WDR59: variants seen among roughly 807,000 people sequenced by gnomAD.
WDR59 encodes WD repeat domain 59.
In WDR59, 100 loss-of-function variants were observed where a neutral mutation model predicts 131.2. That is an observed-to-expected ratio of 0.76 (90% CI 0.65 to 0.90). The LOEUF is 0.90. Ranked by LOEUF, WDR59 falls within the 40% of genes least tolerant of loss-of-function variation. The pLI is 0.00. For synonymous variants in WDR59, 601 were observed against 466.2 expected, an observed-to-expected ratio of 1.29 and a Z score of -3.72; for missense variants, 1,203 against 1,262.2, an observed-to-expected ratio of 0.95 and a Z score of 0.71.
chr16:74,909,005 T>C (rs373255538), intron 16 of WDR59, 28 bp from the exon 17 acceptor site: 104 of 1,600,508 alleles, frequency 6.5e-5, no homozygotes, highest in Non-Finnish European at 8.1e-5. Context: ...ACATGAGCCA[T>C]CAGTGTCAAC....
At chr16:74,965,375 T>A (rs939339805) in intron 2 of WDR59, among the ~76,000 whole-genome samples, 9 of 152,182 alleles carry the variant, frequency 5.9e-5, no homozygotes, top group Admixed American at 1.3e-4. Flanking sequence ...TAAGCCAAAC[T>A]GAATAAATGT....
rs1964075124 is a variant in WDR59 at position 74,873,909 on chromosome 16, G to A, written c.*300C>T. The A allele has an allele frequency of 2.6e-6, 1 of 385,812 alleles. No homozygotes were observed. Among genetic ancestry groups the A allele is most frequent in the South Asian group, 2.8e-5 (1 of 35,392 alleles). The allele number at this position is 385,812 out of a possible 1,614,324, so 23.9% of individuals were successfully genotyped here. ...GGGTAACACTGTAACACTGGCCCTG[G>A]AGCCAGGTGCTTTTCTCCATGAAAA... On this transcript the variant is annotated 3_prime_UTR_variant, in exon 26 of 26. Transcript: ENST00000262144.
At chr16:74,918,426 C>T (rs999273999) in intron 10 of WDR59, among the ~76,000 whole-genome samples, 13 of 152,184 alleles carry the variant, frequency 8.5e-5, no homozygotes, top group Admixed American at 1.3e-4. Flanking sequence ...TGCAAATGTT[C>T]GTCCTTTTAC....
At chr16:74,951,779 G>A (rs981454682) in intron 3 of WDR59, among the ~76,000 whole-genome samples, 1 of 152,170 alleles carries the variant, frequency 6.6e-6, no homozygotes, top group African/African-American at 2.4e-5. Flanking sequence ...ACTATCTTAA[G>A]AGATGCATCT....
chr16:74,978,113 T>A (rs1180914761), intron 1 of WDR59, among the ~76,000 whole-genome samples: 1 of 151,990 alleles, frequency 6.6e-6, no homozygotes, highest in African/African-American at 2.4e-5. Flanking sequence ...CCCAGCACTT[T>A]GGGAGGCCAA....
chr16:74,970,342 C>A (rs913088826), intron 1 of WDR59, among the ~76,000 whole-genome samples: 3 of 151,790 alleles, frequency 2.0e-5, no homozygotes, highest in African/African-American at 7.3e-5. Flanking sequence ...TGTCATTTGT[C>A]ATTTCACTTA....
At chr16:74,955,291 T>C (rs1200841276) in intron 3 of WDR59, among the ~76,000 whole-genome samples, 7 of 152,060 alleles carry the variant, frequency 4.6e-5, no homozygotes, top group Admixed American at 4.6e-4. Flanking sequence ...GTGGGGAGCA[T>C]ACTACTGAGA....
chr16:74,900,594 C>A (rs1294061887), intron 18 of WDR59, among the ~76,000 whole-genome samples: 2 of 152,194 alleles, frequency 1.3e-5, no homozygotes, highest in African/African-American at 4.8e-5. Flanking sequence ...AACATTTCAT[C>A]AGCTATTAAG....
At chr16:74,976,555 C>A (rs1239984072) in intron 1 of WDR59, among the ~76,000 whole-genome samples, 1 of 151,776 alleles carries the variant, frequency 6.6e-6, no homozygotes, top group East Asian at 1.9e-4. Flanking sequence ...GATTCTCCTG[C>A]CTCAGCCTCC....
chr16:74,982,531 G>A (rs1368156913), intron 1 of WDR59, among the ~76,000 whole-genome samples: 1 of 152,148 alleles, frequency 6.6e-6, no homozygotes, highest in Non-Finnish European at 1.5e-5. Context: ...AACAGGCAGG[G>A]GTGAGACTAC....
chr16:74,972,821 T>TTAA (rs1455301675), intron 1 of WDR59, among the ~76,000 whole-genome samples: 1 of 55,044 alleles, frequency 1.8e-5, no homozygotes. Context: ...GACTCTGTCT[T>TTAA]AAAAAAAAAA....
At chr16:74,953,832 T>C (rs971746798) in intron 3 of WDR59, among the ~76,000 whole-genome samples, 12 of 151,396 alleles carry the variant, frequency 7.9e-5, no homozygotes, top group African/African-American at 2.4e-4. Flanking sequence ...AAACCCTGTC[T>C]CTACTAAAAA....
intron 9 of WDR59, among the ~76,000 whole-genome samples, chr16:74,922,655 C>CT (rs1326931781): frequency 6.6e-6 from 1 of 152,180 alleles, no homozygotes; most frequent in Admixed American, 6.5e-5. Context: ...TACTGGGTAG[C>CT]TAAGGGTTCC....
intron 1 of WDR59, among the ~76,000 whole-genome samples, chr16:74,971,567 G>A (rs2033986703): frequency 6.6e-6 from 1 of 151,294 alleles, no homozygotes; most frequent in African/African-American, 2.4e-5. Context: ...TGAGTAGCTG[G>A]GATTACAAGT....
At chr16:74,903,681 G>A (rs112001645) in intron 18 of WDR59, among the ~76,000 whole-genome samples, 113 of 53,716 alleles carry the variant, frequency 2.1e-3, no homozygotes, top group African/African-American at 0.017. Context: ...AGGGAGTGGA[G>A]ATTACGAGTG....
At chr16:74,942,892 G>C in intron 6 of WDR59, 66 bp from the exon 7 acceptor site, 1 of 1,434,946 alleles carries the variant, frequency 7.0e-7, no homozygotes, top group Non-Finnish European at 9.7e-7. Context: ...GCAGAGCACA[G>C]CCAGGGGAGC....
rs77917453 is a variant in WDR59 at position 74,875,371 on chromosome 16, T to C, written c.2690-927A>G. The stretch of plus-strand genomic sequence containing the variant: ...CTGCAGGGGCAGTGGGTGGGGACTG[T>C]GTCCCATCGCTGCCTCCAGACTGAC... On this transcript the variant is annotated intron_variant, in intron 25 of 25. Coordinates refer to ENST00000262144, the MANE Select transcript of WDR59 (RefSeq NM_030581.4). Among the ~76,000 whole-genome samples, 822 of 152,334 alleles carry C rather than the reference T, an allele frequency of 5.4e-3. 24 individuals are homozygous for C. The East Asian group carries it at 0.062, about 11-fold the overall frequency.
Position 74,951,444 on chromosome 16 carries a change from G to A in WDR59, c.326+14C>T, listed in dbSNP as rs763064373. ...AGCAAGACAGCCAAAGAGCTGTGGA[G>A]GGCTGGTGCCTACCTGATGACACGA... On this transcript the variant is annotated intron_variant, in intron 4 of 25. Transcript: ENST00000262144. 6.3e-7 allele frequency: 1 copy of A among 1,586,572 alleles called. No homozygotes were observed. Among genetic ancestry groups the A allele is most frequent in the Non-Finnish European group, 8.6e-7 (1 of 1,166,164 alleles).
chr16:74,942,022 G>A (rs1031281376), intron 7 of WDR59, among the ~76,000 whole-genome samples: 1 of 152,078 alleles, frequency 6.6e-6, no homozygotes, highest in Non-Finnish European at 1.5e-5. Flanking sequence ...TGATGGCTCT[G>A]TTCATTATTA....
Sources: allele counts gnomAD v4.1 joint callset (sites outside exome capture counted in the v4.1 genomes callset), GRCh38; gene constraint gnomAD v4.1.1; transcripts MANE v1.5; gene names NCBI Gene and HGNC (gene_info 2026-07-23, HGNC 2026-07-21).